Variants in CADPS2 observed in about 807,000 individuals in gnomAD.
The protein encoded by CADPS2 is calcium dependent secretion activator 2.
Under a neutral mutation model 172.5 loss-of-function variants are expected in CADPS2, and 93 were observed. The observed-to-expected ratio is 0.54, with a 90% CI of 0.46 to 0.64. The LOEUF is 0.64. CADPS2 is among the 30% of genes least tolerant of loss of function. The pLI is 0.00. For missense variants in CADPS2, 1,420 were observed against 1,565.9 expected (o/e 0.91, Z 1.57); for synonymous variants, 546 against 555.2 (o/e 0.98, Z 0.23).
chr7:122,504,543 T>A (rs2059468606), intron 9 of CADPS2, among the ~76,000 whole-genome samples: 1 of 151,994 alleles, frequency 6.6e-6, no homozygotes. Context: ...TCCCCACCCC[T>A]ACCTTTCTTC....
intron 11 of CADPS2, among the ~76,000 whole-genome samples, chr7:122,485,301 GC>G (rs758256297): frequency 1.4e-4 from 21 of 152,336 alleles, no homozygotes; most frequent in South Asian, 4.1e-4. Flanking sequence ...GAGGCCTTTT[GC>G]ACCAAGTAGC....
At chr7:122,392,385 T>A (rs570267942) in intron 22 of CADPS2, among the ~76,000 whole-genome samples, 1 of 150,446 alleles carries the variant, frequency 6.6e-6, no homozygotes, top group East Asian at 1.9e-4. Context: ...TATGCCTCAA[T>A]ACAGTTTTTT....
chr7:122,716,540 G>C (rs1396347322), intron 2 of CADPS2, among the ~76,000 whole-genome samples: 1 of 152,126 alleles, frequency 6.6e-6, no homozygotes, highest in Non-Finnish European at 1.5e-5. Flanking sequence ...AGGGTCGGGG[G>C]AGCGGGGAGG....
intron 7 of CADPS2, among the ~76,000 whole-genome samples, chr7:122,571,554 A>C (rs2067257172): frequency 6.6e-6 from 1 of 152,178 alleles, no homozygotes; most frequent in Non-Finnish European, 1.5e-5. Flanking sequence ...AGGCAGACAC[A>C]CCGAGCAACA....
chr7:122,414,767 T>A (rs546176091), intron 18 of CADPS2, among the ~76,000 whole-genome samples: 27 of 152,338 alleles, frequency 1.8e-4, no homozygotes, highest in Non-Finnish European at 3.7e-4. Flanking sequence ...ATAGTAAGGA[T>A]TCATGAGCAC....
chr7:122,324,732 T>C (rs534915849), intron 29 of CADPS2, among the ~76,000 whole-genome samples: 11 of 152,288 alleles, frequency 7.2e-5, no homozygotes, highest in African/African-American at 2.6e-4. Flanking sequence ...CTTAGAGTTA[T>C]GTTTTCTGCC....
chr7:122,786,582 G>C (rs778023986), intron 1 of CADPS2, among the ~76,000 whole-genome samples: 3 of 152,138 alleles, frequency 2.0e-5, no homozygotes, highest in Non-Finnish European at 4.4e-5. Context: ...CCATTGGTGA[G>C]ATAAATATAT....
intron 8 of CADPS2, among the ~76,000 whole-genome samples, chr7:122,539,246 G>A (rs1405764468): frequency 6.6e-6 from 1 of 152,092 alleles, no homozygotes; most frequent in Non-Finnish European, 1.5e-5. Context: ...TTATGGCAGT[G>A]AGATCCTGAT....
chr7:122,341,142 TA>T (rs1226889978), intron 28 of CADPS2, among the ~76,000 whole-genome samples: 1 of 152,176 alleles, frequency 6.6e-6, no homozygotes, highest in Non-Finnish European at 1.5e-5. Flanking sequence ...TGCAACTTTT[TA>T]AAAAAATTTG....
intron 1 of CADPS2, among the ~76,000 whole-genome samples, chr7:122,864,183 C>G (rs1817697568): frequency 6.6e-6 from 1 of 152,176 alleles, no homozygotes; most frequent in Admixed American, 6.6e-5. Flanking sequence ...GTTTCAGACT[C>G]TCTTATGTCT....
At chr7:122,839,170 A>C (rs1242103168) in intron 1 of CADPS2, among the ~76,000 whole-genome samples, 16 of 152,274 alleles carry the variant, frequency 1.1e-4, no homozygotes, top group Admixed American at 3.3e-4. Flanking sequence ...CAAAAACAAG[A>C]AATGGGGAAA....
chr7:122,402,994 TAA>T (rs1251270509), intron 20 of CADPS2, among the ~76,000 whole-genome samples: 1 of 152,214 alleles, frequency 6.6e-6, no homozygotes, highest in Non-Finnish European at 1.5e-5. Flanking sequence ...CAAGGGGTAC[TAA>T]AAGAATAGAA....
At position 122,485,853 on chromosome 7, in the gene CADPS2, T is replaced by C. The variant is rs943958459; in HGVS notation, c.1852+4228A>G. Among the ~76,000 whole-genome samples the C allele has an allele frequency of 1.2e-4, 18 of 152,316 alleles. No individual in the cohort carries two copies. In the East Asian group the frequency reaches 3.3e-3, roughly 28 times the overall value. ...GGCTAATGCAGCTGGTGACTTTAAG[T>C]TGAAGCCAATGTTTATTAACCATTT... On this transcript the variant is annotated intron_variant, in intron 11 of 29. Coordinates refer to ENST00000449022, the MANE Select transcript of CADPS2 (RefSeq NM_017954.11).
intron 25 of CADPS2, among the ~76,000 whole-genome samples, chr7:122,376,679 T>A (rs1353993115): frequency 1.3e-5 from 2 of 152,234 alleles, no homozygotes; most frequent in South Asian, 2.1e-4. Context: ...AACAACACTA[T>A]TTGCTAAGAG....
At chr7:122,471,240 C>T (rs1405090540) in intron 14 of CADPS2, 135 bp downstream of exon 14, 3 of 641,966 alleles carry the variant, frequency 4.7e-6, no homozygotes, top group Non-Finnish European at 7.4e-6. Flanking sequence ...TTTTCTCTGT[C>T]GTTTTTTTTT....
intron 14 of CADPS2, among the ~76,000 whole-genome samples, chr7:122,463,051 G>A (rs773991171): frequency 2.0e-5 from 3 of 152,134 alleles, no homozygotes; most frequent in East Asian, 1.9e-4. Context: ...CACCACTCAC[G>A]TTGGTCATAA....
chr7:122,516,140 G>A lies in CADPS2; in HGVS notation c.1476-2825C>T, dbSNP rs142869791. 2.7e-4 allele frequency among the ~76,000 whole-genome samples: 41 copies of A among 152,230 alleles called. 1 individual carries two copies. In the East Asian group the frequency reaches 7.5e-3, roughly 28 times the overall value. On this transcript the variant is annotated intron_variant, in intron 8 of 29. Transcript: ENST00000449022. ...GAATTTGTGATTGGAACCAAGGTAA[G>A]CATTTAAATGATGATTTCTGGGATT... is the stretch of plus-strand genomic sequence containing the variant.
chr7:122,827,662 G>T (rs370940998), intron 1 of CADPS2, among the ~76,000 whole-genome samples: 22 of 149,948 alleles, frequency 1.5e-4, no homozygotes, highest in Middle Eastern at 6.9e-3. Flanking sequence ...AAAGAAAAAA[G>T]AATTAGCTAC....
chr7:122,747,138 GT>G (rs1335598589), intron 1 of CADPS2, among the ~76,000 whole-genome samples: 2 of 152,100 alleles, frequency 1.3e-5, no homozygotes, highest in Non-Finnish European at 2.9e-5. Flanking sequence ...GAGGCAGAGA[GT>G]TGAAGAGAAA....
Sources: gnomAD v4.1 joint callset for allele counts (sites outside exome capture counted in the v4.1 genomes callset) on GRCh38, gnomAD v4.1.1 for gene constraint, MANE v1.5 for transcripts, NCBI Gene and HGNC (gene_info 2026-07-23, HGNC 2026-07-21) for gene names.